The following PRDM11 variants were observed in gnomAD, a reference collection of about 807,000 sequenced individuals.
PRDM11 encodes the protein PR domain-containing protein 11.
PRDM11 carries 20 observed loss-of-function variants against 97.8 expected under a neutral mutation model. That is an observed-to-expected ratio of 0.20 (90% CI 0.14 to 0.30). The LOEUF is 0.30. PRDM11 is among the 10% of genes least tolerant of loss of function. PRDM11 has a pLI of 1.00. For missense variants in PRDM11, 1,139 were observed against 1,555.2 expected, an observed-to-expected ratio of 0.73 and a Z score of 4.50; for synonymous variants, 599 against 637.7, an observed-to-expected ratio of 0.94 and a Z score of 0.91.
chr11:45,124,306 C>T (rs1190426594), intron 1 of PRDM11, among the ~76,000 whole-genome samples: 1 of 152,174 alleles, frequency 6.6e-6, no homozygotes, highest in Non-Finnish European at 1.5e-5. Flanking sequence ...AATTTGACTT[C>T]CTCTTTTCCT....
Position 45,224,598 on chromosome 11 carries a change from C to T in PRDM11, c.1124C>T (p.Pro375Leu). 1 of 1,614,138 alleles carries T rather than the reference C, an allele frequency of 6.2e-7. No homozygotes were observed. ...GTCCCCCAGGGGGTCTCCAAGGAGC[C>T]AGGCCAATTGGAGGATGAAGAAGAG... The part of the protein sequence containing the change: ...WKVPQGVSKE[P>L]GQLEDEEEEP... The change falls in exon 7 of 8, where the codon CCA becomes CTA. Residue 375 changes from proline to leucine, a missense_variant. Physicochemically the swap from Pro to Leu is moderately conservative, Grantham distance 98. This residue lies in a region of PRDM11 where 429 missense variants were observed against 510.3 expected (regional missense o/e 0.84). Transcript: ENST00000683152.
At chr11:45,101,048 TG>T (rs889498888) in intron 1 of PRDM11, among the ~76,000 whole-genome samples, 2 of 151,770 alleles carry the variant, frequency 1.3e-5, no homozygotes, top group South Asian at 4.2e-4. Context: ...GTGTTGGAAG[TG>T]GGGGGGTGGG....
chr11:45,227,262 G>C lies in PRDM11; in HGVS notation c.2637G>C (p.Lys879Asn). The change falls in exon 8 of 8, where the codon AAG becomes AAC. Residue 879 changes from lysine (K) to asparagine (N), a missense_variant. Physicochemically the swap from Lys to Asn is moderately conservative, Grantham distance 94 (BLOSUM62 0). Transcript: ENST00000683152. The surrounding 1 kb of genome is among the most constrained non-coding windows in gnomAD (Gnocchi z 8.0). Reference sequence around the variant, plus strand: ...TCCTCATGGACTACCAGTCCATCAAGCTCATCTACTTCCTGCTGGACGTGA... The same window carrying C: ...TCCTCATGGACTACCAGTCCATCAACCTCATCTACTTCCTGCTGGACGTGA... ...LQFLMDYQSI[K>N]LIYFLLDVIA... is the part of the protein sequence containing the mutation. 1 of 1,533,968 alleles carries C rather than the reference G, an allele frequency of 6.5e-7. No individual in the cohort carries two copies. The highest frequency in any genetic ancestry group is 8.7e-7 in the Non-Finnish European group (1 of 1,146,732).
Position 45,146,816 on chromosome 11 carries a change from AGCCGCCCGCCGG to A in PRDM11, c.-62_-51del, listed in dbSNP as rs1292286772. Reference sequence around the variant, plus strand: ...AGCCGAGGCCGCGCCGCCTCCGCCGAGCCGCCCGCCGGGCCGCTCTCGCCGCCCGGGCCCCGC... The same window carrying A: ...AGCCGAGGCCGCGCCGCCTCCGCCGAGCCGCTCTCGCCGCCCGGGCCCCGC... On this transcript the variant is annotated 5_prime_UTR_variant, in exon 1 of 8. Transcript: ENST00000683152. 3 of 145,524 alleles carry A rather than the reference AGCCGCCCGCCGG, an allele frequency of 2.1e-5. No individual in the cohort carries two copies. The highest frequency in any genetic ancestry group is 2.0e-4 in the East Asian group (1 of 5,014). 9.0% of individuals were successfully genotyped at this position (145,524 alleles called of 1,614,324 possible).
chr11:45,105,945 A>G (rs1852054653), intron 1 of PRDM11, among the ~76,000 whole-genome samples: 1 of 152,174 alleles, frequency 6.6e-6, no homozygotes, highest in Non-Finnish European at 1.5e-5. Flanking sequence ...CCCTTCTAAC[A>G]TGATTTCCTT....
intron 1 of PRDM11, among the ~76,000 whole-genome samples, chr11:45,106,232 C>T (rs980852559): frequency 5.3e-5 from 8 of 152,134 alleles, no homozygotes; most frequent in African/African-American, 1.4e-4. Flanking sequence ...CAAGCTCCTG[C>T]GCTTCCAGGG....
chr11:45,157,238 C>T (rs952019129), intron 1 of PRDM11, among the ~76,000 whole-genome samples: 3 of 151,976 alleles, frequency 2.0e-5, no homozygotes, highest in African/African-American at 4.8e-5. Context: ...TGGACGGGGT[C>T]GGGGAGGATG....
chr11:45,124,378 T>G (rs1330870821), intron 1 of PRDM11, among the ~76,000 whole-genome samples: 1 of 152,074 alleles, frequency 6.6e-6, no homozygotes, highest in Admixed American at 6.6e-5. Flanking sequence ...TCCAACACTA[T>G]GTTGAATAGG....
At chr11:45,171,825 C>G (rs577467350) in intron 1 of PRDM11, among the ~76,000 whole-genome samples, 10 of 152,212 alleles carry the variant, frequency 6.6e-5, no homozygotes, top group African/African-American at 2.4e-4. Flanking sequence ...GCACCTCAAC[C>G]GTGTCAGTTA....
intron 4 of PRDM11, among the ~76,000 whole-genome samples, chr11:45,203,182 G>A (rs1183360278): frequency 6.6e-6 from 1 of 152,156 alleles, no homozygotes; most frequent in Non-Finnish European, 1.5e-5. Context: ...CCATCTCCCA[G>A]GAGTTCTCCC....
chr11:45,141,391 G>C (rs1326297153), intron 1 of PRDM11, among the ~76,000 whole-genome samples: 1 of 152,158 alleles, frequency 6.6e-6, no homozygotes, highest in Non-Finnish European at 1.5e-5. Context: ...TCTGAAATTA[G>C]TTTATAAAGG....
At chr11:45,197,886 G>A (rs1204782349) in intron 4 of PRDM11, among the ~76,000 whole-genome samples, 1 of 152,076 alleles carries the variant, frequency 6.6e-6, no homozygotes, top group Non-Finnish European at 1.5e-5. Context: ...TGCGGGGAAG[G>A]GGGAGGGATA....
chr11:45,113,657 C>T (rs1314762875), intron 1 of PRDM11, among the ~76,000 whole-genome samples: 1 of 151,908 alleles, frequency 6.6e-6, no homozygotes, highest in African/African-American at 2.4e-5. Flanking sequence ...TTGTAGAGAT[C>T]TTTCACCTCT....
chr11:45,226,076 A>C lies in PRDM11; in HGVS notation c.1451A>C (p.Asn484Thr), dbSNP rs1303422993. ...EVDSADESVS[N>T]DMMTATDEPS... is the part of the protein sequence containing the mutation. ...GATTCAGCAGATGAATCTGTCTCCAATGATATGATGACAGCGACGGATGAG... is the reference window on the plus strand; with the variant it reads ...GATTCAGCAGATGAATCTGTCTCCACTGATATGATGACAGCGACGGATGAG... The change falls in exon 8 of 8, where the codon AAT becomes ACT. Residue 484 changes from asparagine (N) to threonine (T), a missense_variant. This residue lies in a region of PRDM11 where 710 missense variants were observed against 1,044.9 expected (regional missense o/e 0.68). Coordinates refer to ENST00000683152, the MANE Select transcript of PRDM11 (RefSeq NM_001384648.1). 6 of 1,528,896 alleles carry C rather than the reference A, an allele frequency of 3.9e-6. No homozygotes were observed. The highest frequency in any genetic ancestry group is 3.5e-6 in the Non-Finnish European group (4 of 1,142,452). The allele number at this position is 1,528,896 out of a possible 1,614,324, so 94.7% of individuals were successfully genotyped here.
At chr11:45,108,904 C>T (rs749157602) in intron 1 of PRDM11, among the ~76,000 whole-genome samples, 3 of 152,238 alleles carry the variant, frequency 2.0e-5, no homozygotes, top group Non-Finnish European at 4.4e-5. Flanking sequence ...TGGGTTTTGT[C>T]TCAAAAAATA....
At chr11:45,209,610 G>T (rs930320802) in intron 5 of PRDM11, among the ~76,000 whole-genome samples, 1 of 152,162 alleles carries the variant, frequency 6.6e-6, no homozygotes, top group Non-Finnish European at 1.5e-5. Flanking sequence ...ATAATTGCAC[G>T]AGTAAACTGG....
At chr11:45,098,784 G>T (rs562208563) in intron 1 of PRDM11, among the ~76,000 whole-genome samples, 1 of 152,262 alleles carries the variant, frequency 6.6e-6, no homozygotes, top group South Asian at 2.1e-4. Context: ...GCCTGAGAAA[G>T]GTAGTGCTCC....
At chr11:45,182,781 G>A in intron 3 of PRDM11, 80 bp from the exon 4 acceptor site, 4 of 1,460,780 alleles carry the variant, frequency 2.7e-6, no homozygotes, top group Middle Eastern at 1.8e-4. Flanking sequence ...TGGGCCTCCT[G>A]TCAGCCCCTC....
intron 4 of PRDM11, among the ~76,000 whole-genome samples, chr11:45,203,550 G>T (rs1318181335): frequency 1.3e-5 from 2 of 151,690 alleles, no homozygotes; most frequent in Non-Finnish European, 2.9e-5. Flanking sequence ...TCCAGAGAGT[G>T]CCCAGAATAA....
Sources: allele counts gnomAD v4.1 joint callset (sites outside exome capture counted in the v4.1 genomes callset), GRCh38; gene constraint gnomAD v4.1.1; regional missense constraint gnomAD v4.1.1; non-coding constraint Gnocchi (gnomAD v3.1); transcripts MANE v1.5; gene names NCBI Gene and HGNC (gene_info 2026-07-23, HGNC 2026-07-21).